The following TASOR variants were observed in gnomAD, a reference collection of about 807,000 sequenced individuals.
TASOR encodes protein TASOR.
In TASOR, 53 loss-of-function variants were observed where a neutral mutation model predicts 178.6. The ratio of observed to expected loss-of-function variants is 0.30; its 90% CI spans 0.24 to 0.37. The LOEUF (loss-of-function observed/expected upper bound fraction) is 0.37. Ranked by LOEUF, TASOR falls within the 10% of genes least tolerant of loss-of-function variation. The probability of loss-of-function intolerance (pLI) is 1.00; values close to 1 mark genes in which losing one functional copy is unlikely to be tolerated. For missense variants in TASOR, 1,815 were observed against 1,971.4 expected, an observed-to-expected ratio of 0.92 and a Z score of 1.50; for synonymous variants, 713 against 696.2, an observed-to-expected ratio of 1.02 and a Z score of -0.38.
chr3:56,647,391 T>C (rs576517432), intron 13 of TASOR, among the ~76,000 whole-genome samples, 168 bp from the exon 14 acceptor site: 1 of 151,812 alleles, frequency 6.6e-6, no homozygotes, highest in South Asian at 2.1e-4. Flanking sequence ...AATATATGAA[T>C]AGCATGCTTG....
At chr3:56,676,349 G>A (rs887148569) in intron 1 of TASOR, among the ~76,000 whole-genome samples, 2 of 152,096 alleles carry the variant, frequency 1.3e-5, no homozygotes, top group Admixed American at 6.5e-5. Context: ...AGTAATATAC[G>A]AAACACAAAT....
Position 56,641,412 on chromosome 3 carries a change from A to G in TASOR, c.2556T>C (p.Ser852=), listed in dbSNP as rs1172444408. The change falls in exon 15 of 24, where the codon TCT becomes TCC. Residue 852 remains serine, a synonymous_variant. Coordinates refer to ENST00000683822, the MANE Select transcript of TASOR (RefSeq NM_001365635.2). ...TGGTAGAAATAGCAACAGAATACTT[A>G]GATGTTGCATCAACTTCTAGTAATA... ...QSLLLEVDAT[S]KYSVAISTSE... is the part of the protein sequence containing the mutation. 6.2e-7 allele frequency: 1 copy of G among 1,603,168 alleles called. No individual in the cohort carries two copies. Among genetic ancestry groups the G allele is most frequent in the Non-Finnish European group, 8.5e-7 (1 of 1,170,452 alleles).
At chr3:56,674,619 C>T (rs528040747) in intron 1 of TASOR, among the ~76,000 whole-genome samples, 2 of 152,272 alleles carry the variant, frequency 1.3e-5, no homozygotes, top group South Asian at 4.1e-4. Context: ...ACATGTGGGG[C>T]TTTAGAGTCA....
At chr3:56,640,499 G>A (rs2077098981) in intron 15 of TASOR, among the ~76,000 whole-genome samples, 1 of 151,548 alleles carries the variant, frequency 6.6e-6, no homozygotes, top group Non-Finnish European at 1.5e-5. Flanking sequence ...CCATGCCCCC[G>A]CCCCCCATCA....
chr3:56,677,066 T>C (rs1319952004), intron 1 of TASOR, among the ~76,000 whole-genome samples: 2 of 152,250 alleles, frequency 1.3e-5, no homozygotes, highest in Admixed American at 6.5e-5. Flanking sequence ...TCAAGTCAAC[T>C]TGCTGCTAAC....
intron 21 of TASOR, among the ~76,000 whole-genome samples, chr3:56,625,853 A>G (rs2076787560): frequency 6.6e-6 from 1 of 151,840 alleles, no homozygotes; most frequent in Non-Finnish European, 1.5e-5. Context: ...CAATCTCCTG[A>G]CCTTGTGATC....
At chr3:56,628,349 A>C in intron 19 of TASOR, 143 bp downstream of exon 19, 3 of 715,228 alleles carry the variant, frequency 4.2e-6, no homozygotes, top group Non-Finnish European at 6.8e-6. Context: ...ACAAACTTGA[A>C]TCTCACAAGC....
intron 11 of TASOR, among the ~76,000 whole-genome samples, chr3:56,656,183 AC>A (rs1391882421): frequency 6.6e-6 from 1 of 152,256 alleles, no homozygotes; most frequent in Non-Finnish European, 1.5e-5. Flanking sequence ...CCAAAAATGT[AC>A]AAAAATAAAC....
At chr3:56,624,361 A>G in intron 23 of TASOR, 118 bp downstream of exon 23, 3 of 937,156 alleles carry the variant, frequency 3.2e-6, no homozygotes, top group Non-Finnish European at 4.9e-6. Context: ...CACTTTCCCT[A>G]TGGCTGTTTA....
rs768484433 is a variant in TASOR, at chr3:56,623,095, G to A, written c.4955C>T (p.Pro1652Leu). 1 of 1,610,204 alleles carries A rather than the reference G, an allele frequency of 6.2e-7. No homozygotes were observed. Among genetic ancestry groups the A allele is most frequent in the Non-Finnish European group, 8.5e-7 (1 of 1,178,532 alleles). The stretch of plus-strand genomic sequence containing the variant: ...ACTTTTCCCCCAACTTAAGGGAGGT[G>A]GAGATTTATCTCTATCCAAGCTTTC... ...YTESLDRDKS[P>L]PPLSWGKSDS... The change falls in exon 24 of 24, where the codon CCA becomes CTA. Residue 1652 changes from proline to leucine, a missense_variant. By Grantham distance (98) the Pro-to-Leu change is moderately conservative. This residue lies in a region of TASOR where 278 missense variants were observed against 257.1 expected (regional missense o/e 1.08). Transcript: ENST00000683822.
rs2107509196 is a variant in TASOR at position 56,621,448 on chromosome 3, A to T, written c.*1589T>A. ...TTTTATCCTAAGCGATATGTTTTCC[A>T]AGTGAATATAATTCTAGTTTAACAC... On this transcript the variant is annotated 3_prime_UTR_variant, in exon 24 of 24. Transcript: ENST00000683822. The T allele has an allele frequency of 1.1e-6, 1 of 941,392 alleles. No individual in the cohort carries two copies. The highest frequency in any genetic ancestry group is 2.6e-5 in the East Asian group (1 of 38,694). The allele number at this position is 941,392 out of a possible 1,614,324, so 58.3% of individuals were successfully genotyped here. A position where few individuals can be genotyped will look rare whatever the true frequency, so the allele number is the denominator to read the frequency against.
intron 14 of TASOR, among the ~76,000 whole-genome samples, chr3:56,645,700 C>A (rs544574629): frequency 6.6e-6 from 1 of 151,984 alleles, no homozygotes; most frequent in Admixed American, 6.5e-5. Flanking sequence ...AAAAGAACAA[C>A]AAAAAAAGAA....
At chr3:56,671,781 C>T in intron 2 of TASOR, 89 bp from the exon 3 acceptor site, 3 of 974,174 alleles carry the variant, frequency 3.1e-6, no homozygotes, top group East Asian at 2.6e-5. Flanking sequence ...AGAAATCTCA[C>T]ACCTACCAAA....
Position 56,621,670 on chromosome 3 carries a change from A to C in TASOR, c.*1367T>G. Reference sequence around the variant, plus strand: ...TGATTTGTGTCTTCCAAATTATAAAATGTGCTCACTGGCTCAACTGTATTT... The same window carrying C: ...TGATTTGTGTCTTCCAAATTATAAACTGTGCTCACTGGCTCAACTGTATTT... On this transcript the variant is annotated 3_prime_UTR_variant, in exon 24 of 24. Transcript: ENST00000683822. 4 of 1,277,352 alleles carry C rather than the reference A, an allele frequency of 3.1e-6. No individual in the cohort carries two copies. Among genetic ancestry groups the C allele is most frequent in the Non-Finnish European group, 4.5e-6 (4 of 898,270 alleles). The allele number at this position is 1,277,352 out of a possible 1,614,324, so 79.1% of individuals were successfully genotyped here. A position where few individuals can be genotyped will look rare whatever the true frequency, so the allele number is the denominator to read the frequency against.
chr3:56,653,290 GAA>G (rs60489505), intron 11 of TASOR, among the ~76,000 whole-genome samples: 2 of 63,148 alleles, frequency 3.2e-5, no homozygotes, highest in Non-Finnish European at 5.6e-5. Context: ...AAAAAAAAAA[GAA>G]AAGACAAGCT....
intron 1 of TASOR, among the ~76,000 whole-genome samples, chr3:56,675,177 A>ATTT (rs111854641): frequency 2.9e-5 from 4 of 138,614 alleles, no homozygotes; most frequent in African/African-American, 8.0e-5. Flanking sequence ...ATCCCACTGA[A>ATTT]TTTTTTTTTT....
chr3:56,683,168 G>T lies in TASOR; in HGVS notation c.-162C>A, dbSNP rs981435508. On this transcript the variant is annotated 5_prime_UTR_variant, in exon 1 of 24. Transcript: ENST00000683822. ...CTCCCGACCTGGCAGCCTCTTGGGG[G>T]GCCCTGTAGCGGGCACCCCAAATGC... is the stretch of plus-strand genomic sequence containing the variant. 1.2e-5 allele frequency: 9 copies of T among 746,776 alleles called. No homozygotes were observed. The African/African-American group carries it at 1.3e-4, about 10-fold the overall frequency. 46.3% of individuals were successfully genotyped at this position (746,776 alleles called of 1,614,324 possible). A position where few individuals can be genotyped will look rare whatever the true frequency, so the allele number is the denominator to read the frequency against.
At chr3:56,656,457 G>A (rs1299826582) in intron 11 of TASOR, among the ~76,000 whole-genome samples, 1 of 151,978 alleles carries the variant, frequency 6.6e-6, no homozygotes, top group African/African-American at 2.4e-5. Flanking sequence ...CAGGTATGGT[G>A]TTGCACGCCT....
intron 9 of TASOR, 59 bp downstream of exon 9, chr3:56,662,326 A>G (rs2077616158): frequency 4.7e-6 from 4 of 859,670 alleles, no homozygotes; most frequent in Non-Finnish European, 7.4e-6. Flanking sequence ...GAAATAAGGA[A>G]AAAGGCTCAA....
Sources: gnomAD v4.1 joint callset for allele counts (sites outside exome capture counted in the v4.1 genomes callset) on GRCh38, gnomAD v4.1.1 for gene constraint, gnomAD v4.1.1 regional missense constraint, MANE v1.5 for transcripts, NCBI Gene and HGNC (gene_info 2026-07-23, HGNC 2026-07-21) for gene names.